Variants in AADAT observed in about 807,000 individuals in gnomAD.
The protein encoded by AADAT is aminoadipate aminotransferase.
In AADAT, 25 loss-of-function variants were observed where a neutral mutation model predicts 56.2. The ratio of observed to expected loss-of-function variants is 0.44; its 90% CI spans 0.32 to 0.62. AADAT has a LOEUF of 0.62. AADAT is among the 20% of genes least tolerant of loss of function. The pLI is 0.04. For synonymous variants in AADAT, 173 were observed against 164.7 expected (o/e 1.05, Z -0.39); for missense variants, 387 against 510.5 (o/e 0.76, Z 2.33).
chr4:170,073,741 C>T lies in AADAT; in HGVS notation c.445-396G>A, dbSNP rs559280421. 3.5e-4 allele frequency among the ~76,000 whole-genome samples: 54 copies of T among 152,256 alleles called. No homozygotes were observed. In the South Asian group the frequency reaches 0.011, roughly 30 times the overall value. On this transcript the variant is annotated intron_variant, in intron 4 of 12. Transcript: ENST00000337664. ...GTCTGGATCTCCTGACCTCGTGATCCGCCCGCCTTGGCCTCCCAAAGTGCT... is the reference window on the plus strand; with the variant it reads ...GTCTGGATCTCCTGACCTCGTGATCTGCCCGCCTTGGCCTCCCAAAGTGCT...
At chr4:170,089,482 T>C in intron 1 of AADAT, 142 bp downstream of exon 1, 1 of 885,264 alleles carries the variant, frequency 1.1e-6, no homozygotes, top group Middle Eastern at 2.3e-4. Flanking sequence ...ATTTCATTTC[T>C]GCACGCAGAG....
intron 8 of AADAT, 70 bp from the exon 9 acceptor site, chr4:170,067,458 C>A: frequency 7.9e-7 from 1 of 1,262,462 alleles, no homozygotes; most frequent in Non-Finnish European, 1.1e-6. Flanking sequence ...TATATAAAAG[C>A]AACTCACTTT....
chr4:170,069,366 C>G (rs1165604426), intron 6 of AADAT, 136 bp from the exon 7 acceptor site: 2 of 621,876 alleles, frequency 3.2e-6, no homozygotes, highest in African/African-American at 3.8e-5. Context: ...TTATTTCAAC[C>G]CTTTAACATG....
intron 10 of AADAT, 67 bp from the exon 11 acceptor site, chr4:170,064,892 T>C: frequency 1.5e-6 from 2 of 1,371,552 alleles, no homozygotes; most frequent in Non-Finnish European, 2.0e-6. Flanking sequence ...CAAAGTGTGT[T>C]GTTAAATGGC....
At chr4:170,073,462 A>C in intron 4 of AADAT, 117 bp from the exon 5 acceptor site, 1 of 842,910 alleles carries the variant, frequency 1.2e-6, no homozygotes, top group Non-Finnish European at 1.8e-6. Context: ...AAATATATAA[A>C]CCCGCAACCA....
At chr4:170,090,318 C>G (rs911645828), upstream of AADAT, 4 of 152,002 alleles carry the variant, frequency 2.6e-5, no homozygotes, top group African/African-American at 9.7e-5. Context: ...TGCGCCCAGC[C>G]GGGAGCGGCC....
rs1482445104 is a variant in AADAT at position 170,088,559 on chromosome 4, T to C, written c.73A>G (p.Ile25Val). ...ATCGATTTTGGTCCTCTGCTCAATATGTCAGCTACAATACACATGGAAGAG... is the reference window on the plus strand; with the variant it reads ...ATCGATTTTGGTCCTCTGCTCAATACGTCAGCTACAATACACATGGAAGAG... ...NPSPIRTMTD[I>V]LSRGPKSMIS... Residue 25 changes from isoleucine (I) to valine (V), a missense_variant, in exon 2 of 13, where the codon ATA (isoleucine) becomes GTA (valine). Physicochemically the swap from Ile to Val is conservative, Grantham distance 29. Coordinates refer to ENST00000337664, the MANE Select transcript of AADAT (RefSeq NM_016228.4). 1.2e-6 allele frequency: 2 copies of C among 1,610,538 alleles called. No individual in the cohort carries two copies. Among genetic ancestry groups the C allele is most frequent in the Non-Finnish European group, 1.7e-6 (2 of 1,177,186 alleles).
intron 4 of AADAT, among the ~76,000 whole-genome samples, chr4:170,074,563 T>A (rs1355381272): frequency 2.6e-5 from 4 of 152,146 alleles, no homozygotes; most frequent in Admixed American, 1.3e-4. Context: ...GAGGTGATAT[T>A]AAAAATATTT....
intron 9 of AADAT, 69 bp from the exon 10 acceptor site, chr4:170,066,547 G>T: frequency 9.0e-7 from 1 of 1,108,522 alleles, no homozygotes; most frequent in Non-Finnish European, 1.4e-6. Flanking sequence ...AGTCTCCAGA[G>T]TCCAGGCTAT....
At chr4:170,079,756 C>T (rs1732201153) in intron 3 of AADAT, among the ~76,000 whole-genome samples, 2 of 152,088 alleles carry the variant, frequency 1.3e-5, no homozygotes, top group South Asian at 4.1e-4. Flanking sequence ...AACCAAAAAG[C>T]CATCCATATC....
chr4:170,093,212 T>G (rs1031950987), upstream of AADAT, among the ~76,000 whole-genome samples: 1 of 152,148 alleles, frequency 6.6e-6, no homozygotes, highest in African/African-American at 2.4e-5. Flanking sequence ...GTGGATCAAC[T>G]GAGGTCAGGA....
chr4:170,084,843 C>T (rs903678364), intron 3 of AADAT, among the ~76,000 whole-genome samples: 1 of 152,180 alleles, frequency 6.6e-6, no homozygotes. Context: ...GGTGGCAGCA[C>T]GTACATATCA....
At chr4:170,074,648 G>A (rs1037502972) in intron 4 of AADAT, among the ~76,000 whole-genome samples, 6 of 152,078 alleles carry the variant, frequency 3.9e-5, no homozygotes, top group Non-Finnish European at 8.8e-5. Context: ...CTGTTATGCC[G>A]ACATTAACTC....
At position 170,067,366 on chromosome 4, in the gene AADAT, T is replaced by G; in HGVS notation, c.923A>C (p.His308Pro). The G allele has an allele frequency of 6.2e-7, 1 of 1,613,544 alleles. No homozygotes were observed. Among genetic ancestry groups the G allele is most frequent in the Middle Eastern group, 1.7e-4 (1 of 6,056 alleles). The change falls in exon 9 of 13, where the codon CAC becomes CCC. Residue 308 changes from histidine to proline, a missense_variant. Coordinates refer to ENST00000337664, the MANE Select transcript of AADAT (RefSeq NM_016228.4). Reference protein sequence around the residue: ...FNQLMISQLLHEWGEEGFMAH... With the variant: ...FNQLMISQLLPEWGEEGFMAH... ...CATGAAACCTTCTTCTCCCCATTCG[T>G]GTAGAAGCTGTGATATCATGAGCTA...
At chr4:170,082,260 TG>T (rs1429771332) in intron 3 of AADAT, among the ~76,000 whole-genome samples, 1 of 152,082 alleles carries the variant, frequency 6.6e-6, no homozygotes. Context: ...AGCCAAAATG[TG>T]GGGGGAATGG....
At chr4:170,063,674 C>G (rs6553486) in intron 11 of AADAT, among the ~76,000 whole-genome samples, 56,361 of 152,044 alleles carry the variant, frequency 0.37, 11,182 homozygotes, top group East Asian at 0.66. Context: ...CTGTCTCTAG[C>G]TCTAACTTCT....
intron 3 of AADAT, 141 bp downstream of exon 3, chr4:170,086,975 C>T (rs1016877525): frequency 6.8e-6 from 7 of 1,032,388 alleles, no homozygotes; most frequent in South Asian, 1.5e-5. Context: ...TCTTTTAGTT[C>T]CCTGTTTATA....
chr4:170,067,897 G>C (rs1426346317), intron 8 of AADAT, among the ~76,000 whole-genome samples: 2 of 152,116 alleles, frequency 1.3e-5, no homozygotes, highest in Non-Finnish European at 2.9e-5. Flanking sequence ...CAGCACTTTG[G>C]GAGGCCCAAC....
chr4:170,089,383 C>T (rs1732724902), intron 1 of AADAT: 1 of 594,792 alleles, frequency 1.7e-6, no homozygotes, highest in African/African-American at 1.9e-5. Flanking sequence ...GCAGTCTGCG[C>T]CTCTCTCTAC....
Sources: allele counts gnomAD v4.1 joint callset (sites outside exome capture counted in the v4.1 genomes callset), GRCh38; gene constraint gnomAD v4.1.1; transcripts MANE v1.5; gene names NCBI Gene and HGNC (gene_info 2026-07-23, HGNC 2026-07-21).